RNF216: variants seen among roughly 807,000 people sequenced by gnomAD.
The protein encoded by RNF216 is E3 ubiquitin-protein ligase RNF216.
Under a neutral mutation model 110.8 loss-of-function variants are expected in RNF216, and 72 were observed. The observed-to-expected ratio is 0.65, with a 90% CI of 0.54 to 0.79. The LOEUF is 0.79. RNF216 is among the 30% of genes least tolerant of loss of function. The pLI is 0.00. For synonymous variants in RNF216, 495 were observed against 407.5 expected, an observed-to-expected ratio of 1.21 and a Z score of -2.59; for missense variants, 1,342 against 1,141.2, an observed-to-expected ratio of 1.18 and a Z score of -2.54.
intron 13 of RNF216, among the ~76,000 whole-genome samples, chr7:5,657,071 A>T (rs1788792578): frequency 6.6e-6 from 1 of 152,260 alleles, no homozygotes; most frequent in South Asian, 2.1e-4. Flanking sequence ...GCTAGATTTC[A>T]GTTGCTGACT....
At chr7:5,727,355 T>G (rs117524967) in intron 7 of RNF216, among the ~76,000 whole-genome samples, 11,875 of 152,286 alleles carry the variant, frequency 0.078, 561 homozygotes, top group East Asian at 0.11. Context: ...GCCTTTGCAC[T>G]TACTAATCTA....
At chr7:5,695,043 C>T (rs1393873230) in intron 13 of RNF216, among the ~76,000 whole-genome samples, 1 of 152,118 alleles carries the variant, frequency 6.6e-6, no homozygotes, top group Non-Finnish European at 1.5e-5. Flanking sequence ...CACTAATGGG[C>T]CAATGGGGAC....
intron 1 of RNF216, among the ~76,000 whole-genome samples, chr7:5,770,954 T>C (rs1471466865): frequency 6.6e-6 from 1 of 152,066 alleles, no homozygotes; most frequent in Non-Finnish European, 1.5e-5. Flanking sequence ...ATTACAGGCA[T>C]GCACCACCAC....
chr7:5,779,700 G>C (rs919163941), intron 1 of RNF216, among the ~76,000 whole-genome samples: 6 of 149,434 alleles, frequency 4.0e-5, no homozygotes, highest in Non-Finnish European at 1.5e-5. Flanking sequence ...GTGGTGGTGC[G>C]CGCCTGTAAT....
chr7:5,753,760 G>A (rs1218976169), intron 2 of RNF216, among the ~76,000 whole-genome samples: 1 of 152,160 alleles, frequency 6.6e-6, no homozygotes, highest in African/African-American at 2.4e-5. Context: ...ACTTTGGGAG[G>A]CCGAGGTGGG....
At chr7:5,693,858 T>C (rs1027449554) in intron 13 of RNF216, among the ~76,000 whole-genome samples, 11 of 152,154 alleles carry the variant, frequency 7.2e-5, no homozygotes, top group African/African-American at 2.2e-4. Flanking sequence ...AGAGACTCTC[T>C]GGCCAACAAG....
intron 3 of RNF216, among the ~76,000 whole-genome samples, chr7:5,745,845 G>A (rs1363241661): frequency 2.7e-5 from 4 of 145,670 alleles, no homozygotes; most frequent in African/African-American, 1.0e-4. Flanking sequence ...GCAGTGAGCC[G>A]AGATCAGGCC....
intron 13 of RNF216, among the ~76,000 whole-genome samples, chr7:5,671,614 C>T (rs1307994022): frequency 6.6e-6 from 1 of 152,008 alleles, no homozygotes; most frequent in Non-Finnish European, 1.5e-5. Context: ...ACCAGCCTGA[C>T]CAACATGGTG....
chr7:5,747,772 AAAAGG>A (rs1465350310), intron 3 of RNF216, among the ~76,000 whole-genome samples: 18 of 84,560 alleles, frequency 2.1e-4, no homozygotes, highest in African/African-American at 7.8e-4. Context: ...AAAAAAAAAA[AAAAGG>A]GGAAAAAAAA....
intron 1 of RNF216, among the ~76,000 whole-genome samples, chr7:5,779,566 A>T (rs1409959363): frequency 6.6e-6 from 1 of 151,598 alleles, no homozygotes; most frequent in African/African-American, 2.4e-5. Flanking sequence ...CTGGCAGAGC[A>T]CGGTGGCTAA....
Position 5,634,922 on chromosome 7 carries a change from C to T in RNF216, c.2382+6232G>A, listed in dbSNP as rs927312242. ...CAGGGCCCCTTTCTACTATTTGCAGCTTCATTCATCCATGGGGAAAGAGTC... is the reference window on the plus strand; with the variant it reads ...CAGGGCCCCTTTCTACTATTTGCAGTTTCATTCATCCATGGGGAAAGAGTC... On this transcript the variant is annotated intron_variant, in intron 15 of 16. Transcript: ENST00000389902. 3.9e-5 allele frequency among the ~76,000 whole-genome samples: 6 copies of T among 152,198 alleles called. 1 individual carries two copies. In the East Asian group the frequency reaches 1.2e-3, roughly 29 times the overall value.
chr7:5,697,251 C>A (rs1365304027), intron 13 of RNF216, among the ~76,000 whole-genome samples: 1 of 152,238 alleles, frequency 6.6e-6, no homozygotes, highest in Non-Finnish European at 1.5e-5. Context: ...CATGCAGAGC[C>A]GCATGTTCCT....
intron 5 of RNF216, among the ~76,000 whole-genome samples, chr7:5,737,284 G>A (rs1007230151): frequency 4.6e-5 from 7 of 152,132 alleles, no homozygotes; most frequent in Admixed American, 1.3e-4. Context: ...GAATAAGGGC[G>A]GTGCAAGATG....
intron 1 of RNF216, among the ~76,000 whole-genome samples, chr7:5,762,266 T>TA (rs1795973937): frequency 6.6e-6 from 1 of 152,118 alleles, no homozygotes; most frequent in Non-Finnish European, 1.5e-5. Context: ...CTCACACCTG[T>TA]AATCCCAGCT....
rs1299185914 is a variant in RNF216, at chr7:5,622,598, T to C, written c.*262A>G. The C allele has an allele frequency of 8.4e-6, 4 of 476,398 alleles. No individual in the cohort carries two copies. Among genetic ancestry groups the C allele is most frequent in the Non-Finnish European group, 1.5e-5 (4 of 266,766 alleles). 29.5% of individuals were successfully genotyped at this position (476,398 alleles called of 1,614,324 possible). ...CATGGACAAGGCAGAAGGACTGCCGTTGGTGGCCTGGGGGATGCGAGGGGA... is the reference window on the plus strand; with the variant it reads ...CATGGACAAGGCAGAAGGACTGCCGCTGGTGGCCTGGGGGATGCGAGGGGA... On this transcript the variant is annotated 3_prime_UTR_variant, in exon 17 of 17. Coordinates refer to ENST00000389902, the MANE Select transcript of RNF216 (RefSeq NM_207111.4).
intron 1 of RNF216, among the ~76,000 whole-genome samples, chr7:5,765,386 C>T (rs1277057967): frequency 2.0e-5 from 3 of 151,964 alleles, no homozygotes; most frequent in African/African-American, 7.2e-5. Flanking sequence ...ATTGCTTCAG[C>T]TTGGAAGGTG....
In RNF216 at chr7:5,652,435, C is replaced by A; in HGVS notation, c.2137G>T (p.Asp713Tyr). The A allele has an allele frequency of 6.2e-7, 1 of 1,613,014 alleles. No homozygotes were observed. The highest frequency in any genetic ancestry group is 8.5e-7 in the Non-Finnish European group (1 of 1,179,068). ...CACATAGAGGTACGGTACTTGATGTCGTCTTTTTCAGCCAGCTCTTCACAG... is the reference window on the plus strand; with the variant it reads ...CACATAGAGGTACGGTACTTGATGTAGTCTTTTTCAGCCAGCTCTTCACAG... ...LTCEELAEKDDIKYRTSIEEK... is the reference protein window; with the variant it reads ...LTCEELAEKDYIKYRTSIEEK... Residue 713 changes from aspartate (D) to tyrosine (Y), a missense_variant, in exon 14 of 17, where the codon GAC becomes TAC. By Grantham distance (160) the Asp-to-Tyr change is radical. Coordinates refer to ENST00000389902, the MANE Select transcript of RNF216 (RefSeq NM_207111.4).
At chr7:5,739,419 C>A in intron 4 of RNF216, 67 bp from the exon 5 acceptor site, 2 of 1,459,918 alleles carry the variant, frequency 1.4e-6, no homozygotes, top group South Asian at 2.4e-5. Flanking sequence ...CAATACAAGA[C>A]AGATGGCAAA....
intron 13 of RNF216, among the ~76,000 whole-genome samples, chr7:5,695,353 G>A (rs1335323851): frequency 2.0e-5 from 3 of 152,028 alleles, no homozygotes; most frequent in Non-Finnish European, 2.9e-5. Flanking sequence ...AAAACGACAC[G>A]CCAGCCTGTC....
Sources: gnomAD v4.1 joint callset for allele counts (sites outside exome capture counted in the v4.1 genomes callset) on GRCh38, gnomAD v4.1.1 for gene constraint, MANE v1.5 for transcripts, NCBI Gene and HGNC (gene_info 2026-07-23, HGNC 2026-07-21) for gene names.